Variants in POLD1 observed in about 807,000 individuals in gnomAD.
POLD1 encodes the protein DNA polymerase delta catalytic subunit.
Under a neutral mutation model 129.7 loss-of-function variants are expected in POLD1, and 79 were observed. The ratio of observed to expected loss-of-function variants is 0.61; its 90% CI spans 0.51 to 0.73. POLD1 has a LOEUF of 0.73. Among genes scored for constraint, POLD1 ranks in the 30% least tolerant of loss-of-function variants. The pLI is 0.00. For missense variants in POLD1, 1,338 were observed against 1,595.8 expected, an observed-to-expected ratio of 0.84 and a Z score of 2.75; for synonymous variants, 714 against 683.3, an observed-to-expected ratio of 1.04 and a Z score of -0.70.
Position 50,409,287 on chromosome 19 carries a change from G to A in POLD1, c.2006+52G>A, listed in dbSNP as rs754102189. 1.5e-6 allele frequency: 2 copies of A among 1,373,556 alleles called. No homozygotes were observed. The highest frequency in any genetic ancestry group is 1.9e-4 in the Middle Eastern group (1 of 5,364). The allele number at this position is 1,373,556 out of a possible 1,614,324, so 85.1% of individuals were successfully genotyped here. A position where few individuals can be genotyped will look rare whatever the true frequency, so the allele number is the denominator to read the frequency against. On this transcript the variant is annotated intron_variant, in intron 16 of 26. Coordinates refer to ENST00000440232, the MANE Select transcript of POLD1 (RefSeq NM_002691.4). This position sits in a 1 kb window ranked among gnomAD's most constrained non-coding sequence, Gnocchi z 5.8. ...AGCTCAGACCTGTTGGGGCCTCTGG[G>A]CAATCCCTGTCCCTCACTGGGACAC...
At chr19:50,416,823 GT>G in intron 24 of POLD1, 100 bp downstream of exon 24, 2 of 1,041,816 alleles carry the variant, frequency 1.9e-6, no homozygotes, top group Non-Finnish European at 2.8e-6. Context: ...CTGCCACCCA[GT>G]GGGCCCAGGG....
Position 50,406,913 on chromosome 19 carries a change from C to T in POLD1, c.1495-70C>T, listed in dbSNP as rs577424130. The T allele has an allele frequency of 1.3e-4, 172 of 1,306,770 alleles. 1 individual carries two copies. The South Asian group carries it at 2.2e-3, about 17-fold the overall frequency. The allele number at this position is 1,306,770 out of a possible 1,614,324, so 80.9% of individuals were successfully genotyped here. A position where few individuals can be genotyped will look rare whatever the true frequency, so the allele number is the denominator to read the frequency against. On this transcript the variant is annotated intron_variant, in intron 12 of 26. Transcript: ENST00000440232. The surrounding 1 kb of genome is among the most constrained non-coding windows in gnomAD (Gnocchi z 5.5). ...CCCCAGGCTACCTCACCCTGACCCC[C>T]ACTTCCTTCTCCTGCTCCACCTCCC... is the stretch of plus-strand genomic sequence containing the variant.
At chr19:50,401,240 G>T (rs868092030) in intron 3 of POLD1, among the ~76,000 whole-genome samples, 4 of 146,154 alleles carry the variant, frequency 2.7e-5, no homozygotes, top group Middle Eastern at 3.4e-3. Flanking sequence ...ATAAATATAA[G>T]ATATATATAT....
chr19:50,395,008 T>G (rs565554725), intron 1 of POLD1: 22,738 of 148,914 alleles, frequency 0.15, 2,492 homozygotes, highest in African/African-American at 0.31. Flanking sequence ...GCTAATTTTT[T>G]TTTTTTTTTT....
chr19:50,408,392 C>G (rs1443267131), intron 14 of POLD1, among the ~76,000 whole-genome samples: 2 of 151,692 alleles, frequency 1.3e-5, no homozygotes, highest in African/African-American at 2.4e-5. Flanking sequence ...TTTTCTTTTT[C>G]TTTTTCTTTT....
chr19:50,412,604 A>G (rs562622694), intron 17 of POLD1, among the ~76,000 whole-genome samples: 1 of 152,372 alleles, frequency 6.6e-6, no homozygotes, highest in Admixed American at 6.5e-5. Context: ...CACTAAATGT[A>G]AATGGACAAA....
At position 50,402,552 on chromosome 19, in the gene POLD1, G is replaced by A. The variant is rs769242646; in HGVS notation, c.840+17G>A. ...AAGGAGAAGGTGCAGGGCTTCCCAGGGCAGGGCTGGGTGGGGAGCTGGTAC... is the reference window on the plus strand; with the variant it reads ...AAGGAGAAGGTGCAGGGCTTCCCAGAGCAGGGCTGGGTGGGGAGCTGGTAC... On this transcript the variant is annotated intron_variant, in intron 7 of 26. Coordinates refer to ENST00000440232, the MANE Select transcript of POLD1 (RefSeq NM_002691.4). The A allele has an allele frequency of 2.5e-6, 4 of 1,582,488 alleles. No individual in the cohort carries two copies. The highest frequency in any genetic ancestry group is 8.6e-7 in the Non-Finnish European group (1 of 1,164,698).
At chr19:50,403,251 C>T in intron 9 of POLD1, 32 bp downstream of exon 9, 1 of 1,513,796 alleles carries the variant, frequency 6.6e-7, no homozygotes, top group South Asian at 1.3e-5. Flanking sequence ...ACACCATTTC[C>T]CGGGGTCCCC....
At chr19:50,414,170 C>A (rs2039192151) in intron 19 of POLD1, among the ~76,000 whole-genome samples, 1 of 152,232 alleles carries the variant, frequency 6.6e-6, no homozygotes, top group Non-Finnish European at 1.5e-5. Flanking sequence ...CACGCAGGGA[C>A]CCTGATGGGG....
chr19:50,392,004 A>G (rs1467793885), intron 1 of POLD1, among the ~76,000 whole-genome samples: 2 of 151,590 alleles, frequency 1.3e-5, no homozygotes, highest in African/African-American at 4.8e-5. Flanking sequence ...GGCGTGAGCC[A>G]CTGCACCTGG....
Position 50,406,079 on chromosome 19 carries a change from C to G in POLD1, c.1243-103C>G. On this transcript the variant is annotated intron_variant, in intron 10 of 26. Transcript: ENST00000440232. The surrounding 1 kb of genome is among the most constrained non-coding windows in gnomAD (Gnocchi z 5.5). ...TGCCCCCAGGGTTGCTCTCGACCCCCTAGGGTTGTTATAAGGATGTTGTGG... is the reference window on the plus strand; with the variant it reads ...TGCCCCCAGGGTTGCTCTCGACCCCGTAGGGTTGTTATAAGGATGTTGTGG... The G allele has an allele frequency of 6.9e-7, 1 of 1,440,222 alleles. No homozygotes were observed. Among genetic ancestry groups the G allele is most frequent in the Non-Finnish European group, 9.5e-7 (1 of 1,050,242 alleles). The allele number at this position is 1,440,222 out of a possible 1,614,324, so 89.2% of individuals were successfully genotyped here.
rs572100354 is a variant in POLD1 at position 50,415,540 on chromosome 19, C to T, written c.2667C>T (p.Arg889=). ...SQLVITKELT[R]AASDYAGKQA... ...TGGTCATCACCAAGGAGCTGACCCG[C>T]GCGGCCTCCGACTATGCCGGCAAGC... Residue 889 remains arginine, a synonymous_variant, in exon 21 of 27, where the codon CGC becomes CGT. Transcript: ENST00000440232. 1.4e-5 allele frequency: 23 copies of T among 1,613,090 alleles called. No individual in the cohort carries two copies. The highest frequency in any genetic ancestry group is 6.7e-5 in the East Asian group (3 of 44,876).
At chr19:50,391,731 T>C (rs888104679) in intron 1 of POLD1, among the ~76,000 whole-genome samples, 8 of 148,842 alleles carry the variant, frequency 5.4e-5, no homozygotes, top group Non-Finnish European at 8.9e-5. Flanking sequence ...TCTTTTTTTT[T>C]CCCACTCCCC....
Position 50,413,865 on chromosome 19 carries a change from C to T in POLD1, c.2374C>T (p.Leu792=), listed in dbSNP as rs201050276. 59 of 1,603,698 alleles carry T rather than the reference C, an allele frequency of 3.7e-5. No individual in the cohort carries two copies. In the East Asian group the frequency reaches 1.3e-3, roughly 36 times the overall value. ...VSGHFPSPIR[L]EFEKVYFPYL... Reference sequence around the variant, plus strand: ...AGGTCACTTCCCGTCGCCCATCCGGCTGGAGTTTGAGAAGGTGCGTGGCTG... The same window carrying T: ...AGGTCACTTCCCGTCGCCCATCCGGTTGGAGTTTGAGAAGGTGCGTGGCTG... The change falls in exon 19 of 27, where the codon CTG becomes TTG. Residue 792 remains leucine (L), a synonymous_variant. Coordinates refer to ENST00000440232, the MANE Select transcript of POLD1 (RefSeq NM_002691.4).
chr19:50,386,968 A>G (rs992575225), intron 1 of POLD1, among the ~76,000 whole-genome samples: 5 of 151,276 alleles, frequency 3.3e-5, no homozygotes, highest in Admixed American at 2.6e-4. Context: ...CGAGGCGGGC[A>G]GATCATGAGG....
At chr19:50,391,047 C>A (rs2038140961) in intron 1 of POLD1, among the ~76,000 whole-genome samples, 1 of 152,018 alleles carries the variant, frequency 6.6e-6, no homozygotes. Flanking sequence ...ACAAAACCGC[C>A]ATCGTCATCA....
At position 50,402,767 on chromosome 19, in the gene POLD1, C is replaced by T. The variant is rs746126644; in HGVS notation, c.970+26C>T. On this transcript the variant is annotated intron_variant, in intron 8 of 26. Transcript: ENST00000440232. ...GTCTGTCCCCGGGCCCGGGCTCCTG[C>T]CCGCCTCATTGATGTGCCAAGTCGG... 2.9e-5 allele frequency: 46 copies of T among 1,565,430 alleles called. No individual in the cohort carries two copies. The highest frequency in any genetic ancestry group is 3.7e-5 in the Non-Finnish European group (43 of 1,152,110).
Position 50,415,793 on chromosome 19 carries a change from C to A in POLD1, c.2787C>A (p.Ala929=). ...GDRVPYVIIS[A]AKGVAAYMKS... ...GCGTCCCCTACGTGATCATCAGTGC[C>A]GCCAAGGGTGTGGCCGCCTACATGA... The change falls in exon 22 of 27, where the codon GCC becomes GCA. Residue 929 remains alanine (A), a synonymous_variant. Transcript: ENST00000440232. The A allele has an allele frequency of 6.4e-7, 1 of 1,562,772 alleles. No homozygotes were observed. The highest frequency in any genetic ancestry group is 8.6e-7 in the Non-Finnish European group (1 of 1,156,134).
In POLD1 at chr19:50,402,135, C is replaced by A. The variant is rs764569547; in HGVS notation, c.589+11C>A. 1.2e-5 allele frequency: 19 copies of A among 1,606,134 alleles called. No individual in the cohort carries two copies. The South Asian group carries it at 2.1e-4, about 18-fold the overall frequency. On this transcript the variant is annotated intron_variant, in intron 5 of 26. Transcript: ENST00000440232. Reference sequence around the variant, plus strand: ...TGTGCTCCCGAGAGAGTGAGTGCTCCCCCAGGATCAGCGGGTTGGAGGGTC... The same window carrying A: ...TGTGCTCCCGAGAGAGTGAGTGCTCACCCAGGATCAGCGGGTTGGAGGGTC...
Sources: gnomAD v4.1 joint callset for allele counts (sites outside exome capture counted in the v4.1 genomes callset) on GRCh38, gnomAD v4.1.1 for gene constraint, Gnocchi (gnomAD v3.1) non-coding constraint, MANE v1.5 for transcripts, NCBI Gene and HGNC (gene_info 2026-07-23, HGNC 2026-07-21) for gene names.